KIF3B: variants seen among roughly 807,000 people sequenced by gnomAD.
The protein encoded by KIF3B is kinesin family member 3B.
In KIF3B, 38 loss-of-function variants were observed where a neutral mutation model predicts 74.3. That is an observed-to-expected ratio of 0.51 (90% CI 0.39 to 0.67). KIF3B has a LOEUF of 0.67. Ranked by LOEUF, KIF3B falls within the 30% of genes least tolerant of loss-of-function variation. The pLI is 0.00. For synonymous variants in KIF3B, 326 were observed against 342.5 expected (o/e 0.95, Z 0.53); for missense variants, 649 against 932.0 (o/e 0.70, Z 3.95).
intron 1 of KIF3B, among the ~76,000 whole-genome samples, chr20:32,297,027 A>T (rs1327114372): frequency 6.6e-6 from 1 of 152,086 alleles, no homozygotes; most frequent in Non-Finnish European, 1.5e-5. Flanking sequence ...TACAGAGTAA[A>T]AACAGCTGCT....
At chr20:32,290,510 G>A (rs1338682973) in intron 1 of KIF3B, among the ~76,000 whole-genome samples, 2 of 152,128 alleles carry the variant, frequency 1.3e-5, no homozygotes, top group Non-Finnish European at 2.9e-5. Flanking sequence ...TCTGCCCATA[G>A]CATTATTCAC....
At chr20:32,301,020 G>A (rs981322293) in intron 1 of KIF3B, among the ~76,000 whole-genome samples, 1 of 150,572 alleles carries the variant, frequency 6.6e-6, no homozygotes, top group Admixed American at 6.6e-5. Context: ...GCGGCACCAT[G>A]CCCTGCTAAT....
intron 1 of KIF3B, among the ~76,000 whole-genome samples, chr20:32,295,775 A>G (rs1039376095): frequency 6.6e-6 from 1 of 151,964 alleles, no homozygotes; most frequent in Non-Finnish European, 1.5e-5. Context: ...AAGCTTCATC[A>G]TAAATTTAGG....
intron 1 of KIF3B, among the ~76,000 whole-genome samples, chr20:32,289,369 T>G (rs1380135979): frequency 1.3e-5 from 2 of 152,160 alleles, no homozygotes; most frequent in African/African-American, 4.8e-5. Context: ...AATTTTTGTA[T>G]TTTTAGTAAA....
At chr20:32,280,656 A>G (rs1397195129) in intron 1 of KIF3B, among the ~76,000 whole-genome samples, 2 of 138,872 alleles carry the variant, frequency 1.4e-5, no homozygotes, top group Non-Finnish European at 3.0e-5. Context: ...TGGAACTTGC[A>G]GTGAGCCAAG....
intron 5 of KIF3B, among the ~76,000 whole-genome samples, chr20:32,324,134 A>G (rs1204549470): frequency 6.6e-6 from 1 of 151,960 alleles, no homozygotes; most frequent in Non-Finnish European, 1.5e-5. Flanking sequence ...AAGAAGAAAT[A>G]TACTACATTC....
At chr20:32,305,150 AAAAC>A (rs922680171) in intron 1 of KIF3B, among the ~76,000 whole-genome samples, 13 of 152,134 alleles carry the variant, frequency 8.5e-5, no homozygotes, top group South Asian at 4.2e-4. Context: ...CTCTGTTTAA[AAAAC>A]AAACAAACAA....
rs917570514 is a variant in KIF3B at position 32,331,565 on chromosome 20, G to T, written c.*246G>T. 1 of 496,216 alleles carries T rather than the reference G, an allele frequency of 2.0e-6. No homozygotes were observed. Among genetic ancestry groups the T allele is most frequent in the Non-Finnish European group, 3.5e-6 (1 of 284,766 alleles). The allele number at this position is 496,216 out of a possible 1,614,324, so 30.7% of individuals were successfully genotyped here. On this transcript the variant is annotated 3_prime_UTR_variant, in exon 9 of 9. Coordinates refer to ENST00000375712, the MANE Select transcript of KIF3B (RefSeq NM_004798.4). ...TGCATGGGTAAGGTAAAGTGCGATAGTTCAAGTGGAAAGCAAGAGAATGAC... is the reference window on the plus strand; with the variant it reads ...TGCATGGGTAAGGTAAAGTGCGATATTTCAAGTGGAAAGCAAGAGAATGAC...
chr20:32,322,617 A>T (rs1439746123), intron 5 of KIF3B, among the ~76,000 whole-genome samples: 21 of 104,402 alleles, frequency 2.0e-4, no homozygotes, highest in African/African-American at 3.4e-4. Flanking sequence ...CAAAAAAAAA[A>T]TTTTATATAT....
rs28364805 is a variant in KIF3B at position 32,310,364 on chromosome 20, T to C, written c.587T>C (p.Val196Ala). Residue 196 changes from valine to alanine, a missense_variant, in exon 2 of 9, where the codon GTG (valine) becomes GCG (alanine). By Grantham distance (64) the Val-to-Ala change is moderately conservative. This residue lies in a region of KIF3B where 363 missense variants were observed against 592.8 expected (regional missense o/e 0.61). Coordinates refer to ENST00000375712, the MANE Select transcript of KIF3B (RefSeq NM_004798.4). This position sits in a 1 kb window ranked among gnomAD's most constrained non-coding sequence, Gnocchi z 6.5. ...AAGGAGATAGAGCATGTGATGAATG[T>C]GGGGAACCAGAACCGTTCTGTCGGT... is the stretch of plus-strand genomic sequence containing the variant. ...SVKEIEHVMNVGNQNRSVGAT... is the reference protein window; with the variant it reads ...SVKEIEHVMNAGNQNRSVGAT... 1.6e-5 allele frequency: 26 copies of C among 1,614,100 alleles called. No individual in the cohort carries two copies. In the East Asian group the frequency reaches 5.1e-4, roughly 32 times the overall value.
chr20:32,283,396 C>T lies in KIF3B; in HGVS notation c.-66+5631C>T, dbSNP rs886069373. ...GTGCGCACCTGTAATCCCAGCTACT[C>T]AGGAGGCTGAGGCAGGAGAATCGCT... On this transcript the variant is annotated intron_variant, in intron 1 of 8. Coordinates refer to ENST00000375712, the MANE Select transcript of KIF3B (RefSeq NM_004798.4). 2.0e-5 allele frequency among the ~76,000 whole-genome samples: 3 copies of T among 151,706 alleles called. No homozygotes were observed. In the East Asian group the frequency reaches 5.8e-4, roughly 29 times the overall value.
intron 2 of KIF3B, among the ~76,000 whole-genome samples, chr20:32,313,388 T>G (rs1219673030): frequency 6.6e-6 from 1 of 152,230 alleles, no homozygotes; most frequent in Non-Finnish European, 1.5e-5. Context: ...TTATAAATTT[T>G]AAAATTACAA....
intron 1 of KIF3B, among the ~76,000 whole-genome samples, chr20:32,305,732 G>T (rs1414432786): frequency 1.3e-5 from 2 of 151,106 alleles, no homozygotes; most frequent in Admixed American, 1.3e-4. Flanking sequence ...ATGCCACCAT[G>T]CCCGGCTAAA....
In KIF3B at chr20:32,309,908, A is replaced by G. The variant is rs765695056; in HGVS notation, c.131A>G (p.Lys44Arg). Residue 44 changes from lysine (K) to arginine (R), a missense_variant, in exon 2 of 9, where the codon AAG becomes AGG. By Grantham distance (26) the Lys-to-Arg change is conservative. Transcript: ENST00000375712. ...GTTAAGCTGGGGCAGGTGTCTGTGA[A>G]GAACCCCAAAGGGACGGCCCATGAA... is the stretch of plus-strand genomic sequence containing the variant. ...VDVKLGQVSV[K>R]NPKGTAHEMP... is the part of the protein sequence containing the mutation. 1.2e-6 allele frequency: 2 copies of G among 1,614,180 alleles called. No homozygotes were observed. Among genetic ancestry groups the G allele is most frequent in the East Asian group, 4.5e-5 (2 of 44,890 alleles).
chr20:32,316,419 G>A, intron 3 of KIF3B, 100 bp downstream of exon 3: 1 of 1,556,694 alleles, frequency 6.4e-7, no homozygotes, highest in Non-Finnish European at 8.8e-7. Context: ...GAGAATGAGA[G>A]CAAGGTGTGT....
chr20:32,324,946 G>A (rs1483389656), intron 5 of KIF3B, among the ~76,000 whole-genome samples: 4 of 152,076 alleles, frequency 2.6e-5, no homozygotes, highest in Admixed American at 6.6e-5. Flanking sequence ...CACGAGAATC[G>A]CTTGAACCTG....
rs1449968414 is a variant in KIF3B, at chr20:32,310,966, G to A, written c.1189G>A (p.Glu397Lys). 6.2e-7 allele frequency: 1 copy of A among 1,613,030 alleles called. No individual in the cohort carries two copies. Among genetic ancestry groups the A allele is most frequent in the South Asian group, 1.1e-5 (1 of 91,016 alleles). Residue 397 changes from glutamate to lysine, a missense_variant, in exon 2 of 9, where the codon GAG becomes AAG. Glu to Lys is a moderately conservative substitution (Grantham distance 56). Transcript: ENST00000375712. The surrounding 1 kb of genome is among the most constrained non-coding windows in gnomAD (Gnocchi z 6.5). ...CAGTGGTGGGGGTGGGGAAGAGGAG[G>A]AGGAGGAGGGAGAAGAGGGTGAGGA... ...GGSGGGGEEE[E>K]EEGEEGEEEG...
intron 5 of KIF3B, among the ~76,000 whole-genome samples, chr20:32,325,655 CTTTTT>C (rs1164604181): frequency 2.0e-5 from 1 of 51,104 alleles, no homozygotes; most frequent in Non-Finnish European, 3.7e-5. Flanking sequence ...CTCTCTCTCT[CTTTTT>C]TTTTTTTTTT....
rs1004525191 is a variant in KIF3B at position 32,326,716 on chromosome 20, T to C, written c.1749-55T>C. 3 of 748,950 alleles carry C rather than the reference T, an allele frequency of 4.0e-6. No individual in the cohort carries two copies. In the African/African-American group the frequency reaches 5.3e-5, roughly 13 times the overall value. 46.4% of individuals were successfully genotyped at this position (748,950 alleles called of 1,614,324 possible). ...CTCACCATGCATGAGACCAGATAGC[T>C]GACACTTCATATGTATTCTGTATCT... is the stretch of plus-strand genomic sequence containing the variant. On this transcript the variant is annotated intron_variant, in intron 5 of 8. Transcript: ENST00000375712.
Sources: allele counts gnomAD v4.1 joint callset (sites outside exome capture counted in the v4.1 genomes callset), GRCh38; gene constraint gnomAD v4.1.1; regional missense constraint gnomAD v4.1.1; non-coding constraint Gnocchi (gnomAD v3.1); transcripts MANE v1.5; gene names NCBI Gene and HGNC (gene_info 2026-07-23, HGNC 2026-07-21).